CIRSR: variants seen among roughly 807,000 people sequenced by gnomAD.
CIRSR encodes the protein corepressor of RBPJ and splicing regulator.
the CIRSR span, among the ~76,000 whole-genome samples, chr2:174,394,360 T>C: frequency 6.6e-6 from 1 of 152,176 alleles, no homozygotes; most frequent in Non-Finnish European, 1.5e-5. Flanking sequence ...CTGTGTTTGG[T>C]GTCAAAAGTT....
the CIRSR span, chr2:174,348,930 G>C: frequency 1.2e-6 from 2 of 1,613,938 alleles, no homozygotes; most frequent in Non-Finnish European, 1.7e-6. Context: ...CTTCTCTTCA[G>C]AATCACTGTT....
the CIRSR span, chr2:174,380,150 T>C: frequency 2.4e-6 from 3 of 1,251,992 alleles, no homozygotes; most frequent in Non-Finnish European, 3.4e-6. Flanking sequence ...AATATAAAGA[T>C]ACATTTATTA....
At chr2:174,390,963 A>G in the CIRSR span, among the ~76,000 whole-genome samples, 2 of 152,330 alleles carry the variant, frequency 1.3e-5, no homozygotes, top group South Asian at 4.1e-4. Context: ...TAAATTACCC[A>G]GTCTCAGGTA....
At chr2:174,361,253 G>C in the CIRSR span, among the ~76,000 whole-genome samples, 2 of 152,170 alleles carry the variant, frequency 1.3e-5, no homozygotes, top group African/African-American at 4.8e-5. Context: ...AATTATGTTG[G>C]AGGATTAAAA....
At chr2:174,370,910 CAA>C in the CIRSR span, among the ~76,000 whole-genome samples, 20 of 128,636 alleles carry the variant, frequency 1.6e-4, no homozygotes, top group South Asian at 2.4e-4. Context: ...GACTCCGTCT[CAA>C]AAAAAAAAAA....
At chr2:174,385,804 AG>A in the CIRSR span, among the ~76,000 whole-genome samples, 1 of 152,234 alleles carries the variant, frequency 6.6e-6, no homozygotes, top group Non-Finnish European at 1.5e-5. Flanking sequence ...GAAAATTAAT[AG>A]TAACTAGATA....
chr2:174,380,646 CT>C, the CIRSR span: 1 of 1,607,542 alleles, frequency 6.2e-7, no homozygotes, highest in South Asian at 1.1e-5. Context: ...TAAACCAGTC[CT>C]TACTTTTCTC....
the CIRSR span, among the ~76,000 whole-genome samples, chr2:174,375,702 G>T: frequency 1.3e-5 from 2 of 152,080 alleles, no homozygotes; most frequent in African/African-American, 4.8e-5. Context: ...AAGGTTCGAT[G>T]GGCAAAAAGG....
chr2:174,379,926 T>A, the CIRSR span, among the ~76,000 whole-genome samples: 2 of 151,994 alleles, frequency 1.3e-5, no homozygotes, highest in Admixed American at 1.3e-4. Flanking sequence ...GGTTTCACCA[T>A]GTCGGCCTGG....
the CIRSR span, chr2:174,348,561 C>G: frequency 9.9e-6 from 16 of 1,614,160 alleles, no homozygotes; most frequent in Non-Finnish European, 1.2e-5. Flanking sequence ...TTTTTCTCCT[C>G]TATACAAGTC....
the CIRSR span, among the ~76,000 whole-genome samples, chr2:174,388,251 T>G: frequency 6.6e-6 from 1 of 152,280 alleles, no homozygotes; most frequent in Admixed American, 6.5e-5. Flanking sequence ...CAGACTGGAG[T>G]GCAATGGCAT....
chr2:174,393,370 ACTCT>A, the CIRSR span, among the ~76,000 whole-genome samples: 1 of 152,090 alleles, frequency 6.6e-6, no homozygotes, highest in Admixed American at 6.6e-5. Flanking sequence ...TACAGCATTC[ACTCT>A]TATTTTTGGT....
At chr2:174,385,319 A>T in the CIRSR span, among the ~76,000 whole-genome samples, 1 of 152,094 alleles carries the variant, frequency 6.6e-6, no homozygotes, top group Admixed American at 6.6e-5. Flanking sequence ...CTAGGACAGT[A>T]AAAACAAAAG....
chr2:174,352,210 C>T, the CIRSR span, among the ~76,000 whole-genome samples: 3 of 150,688 alleles, frequency 2.0e-5, no homozygotes, highest in Admixed American at 2.0e-4. Flanking sequence ...GCTAATCACA[C>T]ACACACACAC....
chr2:174,385,893 A>C, the CIRSR span, among the ~76,000 whole-genome samples: 1 of 152,228 alleles, frequency 6.6e-6, no homozygotes, highest in African/African-American at 2.4e-5. Context: ...AACCATTAGA[A>C]CATCACAGAA....
the CIRSR span, among the ~76,000 whole-genome samples, chr2:174,392,462 T>C: frequency 6.6e-6 from 1 of 152,210 alleles, no homozygotes; most frequent in Non-Finnish European, 1.5e-5. Context: ...AAATGACTAT[T>C]CTGATGGCTG....
At chr2:174,373,892 TAC>T in the CIRSR span, among the ~76,000 whole-genome samples, 2 of 150,938 alleles carry the variant, frequency 1.3e-5, no homozygotes, top group Middle Eastern at 3.2e-3. Flanking sequence ...CACACACACA[TAC>T]ACACACACTC....
At chr2:174,350,526 T>C in the CIRSR span, 2 of 495,598 alleles carry the variant, frequency 4.0e-6, no homozygotes, top group Non-Finnish European at 7.0e-6. Context: ...GTATTAGCTA[T>C]GGGTGAAGAA....
At chr2:174,387,794 T>C in the CIRSR span, 3 of 1,552,106 alleles carry the variant, frequency 1.9e-6, no homozygotes, top group East Asian at 4.6e-5. Context: ...ATTAGTGAAG[T>C]AAAAATGCAA....
Sources: gnomAD v4.1 joint callset for allele counts (sites outside exome capture counted in the v4.1 genomes callset) on GRCh38, gnomAD v4.1.1 for gene constraint, MANE v1.5 for transcripts, NCBI Gene and HGNC (gene_info 2026-07-23, HGNC 2026-07-21) for gene names.